Variants in THSD7A observed in about 807,000 individuals in gnomAD.
The protein encoded by THSD7A is thrombospondin type-1 domain-containing protein 7A.
In THSD7A, 96 loss-of-function variants were observed where a neutral mutation model predicts 231.3. The ratio of observed to expected loss-of-function variants is 0.41; its 90% CI spans 0.35 to 0.49. THSD7A has a LOEUF of 0.49. THSD7A is among the 20% of genes least tolerant of loss of function. The pLI is 0.05. For missense variants in THSD7A, 2,290 were observed against 2,070.2 expected (o/e 1.11, Z -2.06); for synonymous variants, 940 against 743.3 (o/e 1.26, Z -4.30).
intron 6 of THSD7A, among the ~76,000 whole-genome samples, chr7:11,513,785 TG>T (rs1787915691): frequency 6.6e-6 from 1 of 152,224 alleles, no homozygotes; most frequent in Non-Finnish European, 1.5e-5. Context: ...GTTACTTTTA[TG>T]TTACATAAAT....
At chr7:11,601,634 A>C (rs183685667) in intron 2 of THSD7A, among the ~76,000 whole-genome samples, 14 of 152,272 alleles carry the variant, frequency 9.2e-5, no homozygotes, top group Admixed American at 4.6e-4. Flanking sequence ...ATCTAGGAGA[A>C]TTTCAACCAG....
chr7:11,587,022 C>T (rs1451680529), intron 4 of THSD7A, among the ~76,000 whole-genome samples: 1 of 152,140 alleles, frequency 6.6e-6, no homozygotes, highest in Non-Finnish European at 1.5e-5. Flanking sequence ...TTAATGTTGT[C>T]TTATAACCAA....
In THSD7A at chr7:11,397,184, C is replaced by T. The variant is rs1583666614; in HGVS notation, c.4411+4611G>A. The stretch of plus-strand genomic sequence containing the variant: ...ACCCACAGCCACAGGGCTACAGTAA[C>T]CAAAACAGCACGGTACTGGTAGCAA... On this transcript the variant is annotated intron_variant, in intron 23 of 27. Coordinates refer to ENST00000423059, the MANE Select transcript of THSD7A (RefSeq NM_015204.3). 2.0e-5 allele frequency among the ~76,000 whole-genome samples: 3 copies of T among 152,044 alleles called. No individual in the cohort carries two copies. In the South Asian group the frequency reaches 6.2e-4, roughly 32 times the overall value.
At chr7:11,772,226 A>G (rs114850844) in intron 1 of THSD7A, among the ~76,000 whole-genome samples, 4,401 of 152,178 alleles carry the variant, frequency 0.029, 214 homozygotes, top group African/African-American at 0.099. Context: ...AACAAAACAA[A>G]ACAGATGCTG....
intron 4 of THSD7A, among the ~76,000 whole-genome samples, chr7:11,573,546 C>T (rs1044710357): frequency 4.6e-5 from 7 of 152,284 alleles, no homozygotes; most frequent in Non-Finnish European, 1.0e-4. Flanking sequence ...GGCTTGTTGG[C>T]CAATGACTAA....
intron 4 of THSD7A, among the ~76,000 whole-genome samples, chr7:11,588,742 C>G (rs375820772): frequency 4.6e-5 from 7 of 152,138 alleles, no homozygotes; most frequent in African/African-American, 1.7e-4. Flanking sequence ...TGATCTACCT[C>G]TAGCAATGAA....
chr7:11,735,054 A>G (rs117379500), intron 1 of THSD7A, among the ~76,000 whole-genome samples: 2,879 of 152,030 alleles, frequency 0.019, 47 homozygotes, highest in Non-Finnish European at 0.03. Flanking sequence ...TACATGTTCA[A>G]ATTCCGTTTC....
chr7:11,800,555 AG>A (rs1424045373), intron 1 of THSD7A, among the ~76,000 whole-genome samples: 1 of 152,204 alleles, frequency 6.6e-6, no homozygotes, highest in Admixed American at 6.5e-5. Context: ...ATCTCAAAAA[AG>A]AAAAAAAATA....
chr7:11,446,129 C>T lies in THSD7A; in HGVS notation c.2996G>A (p.Arg999His), dbSNP rs1352267683. ...ATCGTAGCATGCCATTGCTTGGTAACGATATCCTTGTCCGCATTCCTTGAT... is the reference window on the plus strand; with the variant it reads ...ATCGTAGCATGCCATTGCTTGGTAATGATATCCTTGTCCGCATTCCTTGAT... ...GDIKECGQGY[R>H]YQAMACYDQN... Residue 999 changes from arginine (R) to histidine (H), a missense_variant, in exon 13 of 28, where the codon CGT becomes CAT. Transcript: ENST00000423059. The surrounding 1 kb of genome is among the most constrained non-coding windows in gnomAD (Gnocchi z 4.0). The T allele has an allele frequency of 4.3e-6, 7 of 1,613,466 alleles. No individual in the cohort carries two copies. The highest frequency in any genetic ancestry group is 3.3e-5 in the Admixed American group (2 of 59,924).
intron 6 of THSD7A, among the ~76,000 whole-genome samples, chr7:11,527,658 T>C (rs12666303): frequency 0.27 from 40,811 of 152,120 alleles, 5,604 homozygotes; most frequent in Middle Eastern, 0.39. Flanking sequence ...AATGTTTTCA[T>C]TGACATATTC....
intron 4 of THSD7A, among the ~76,000 whole-genome samples, chr7:11,587,698 GGTGT>G (rs1312474712): frequency 6.6e-6 from 1 of 152,028 alleles, no homozygotes; most frequent in Non-Finnish European, 1.5e-5. Flanking sequence ...TGTCCCTTAT[GGTGT>G]GTGTCACTTA....
intron 1 of THSD7A, among the ~76,000 whole-genome samples, chr7:11,638,256 A>T (rs1421490003): frequency 6.6e-6 from 1 of 152,240 alleles, no homozygotes; most frequent in Non-Finnish European, 1.5e-5. Context: ...AAAAACAGGA[A>T]ACAAGAAGGG....
At chr7:11,502,563 G>C (rs1787381328) in intron 6 of THSD7A, among the ~76,000 whole-genome samples, 1 of 152,022 alleles carries the variant, frequency 6.6e-6, no homozygotes, top group African/African-American at 2.4e-5. Context: ...ATTCAGAAAA[G>C]TCTTTTGATA....
At chr7:11,559,413 G>C (rs953808726) in intron 4 of THSD7A, among the ~76,000 whole-genome samples, 2 of 152,034 alleles carry the variant, frequency 1.3e-5, no homozygotes, top group African/African-American at 2.4e-5. Context: ...AGGGTTATAA[G>C]AGTAAAATAT....
chr7:11,669,494 A>G (rs1290531913), intron 1 of THSD7A, among the ~76,000 whole-genome samples: 1 of 151,972 alleles, frequency 6.6e-6, no homozygotes, highest in Non-Finnish European at 1.5e-5. Flanking sequence ...GTTATTTAAG[A>G]GTGCATAAAG....
Position 11,632,373 on chromosome 7 carries a change from T to C in THSD7A, c.1022+3757A>G, listed in dbSNP as rs2128358361. 1.3e-5 allele frequency among the ~76,000 whole-genome samples: 2 copies of C among 152,308 alleles called. No homozygotes were observed. Among genetic ancestry groups the C allele is most frequent in the Admixed American group, 1.3e-4 (2 of 15,292 alleles). On this transcript the variant is annotated intron_variant, in intron 2 of 27. Coordinates refer to ENST00000423059, the MANE Select transcript of THSD7A (RefSeq NM_015204.3). The surrounding 1 kb of genome is among the most constrained non-coding windows in gnomAD (Gnocchi z 4.1). ...TGCAAATGAGATATTTTAATCTTTT[T>C]CCCCATTATAATATTTAATTTTTTA... is the stretch of plus-strand genomic sequence containing the variant.
chr7:11,720,909 C>A (rs1413343328), intron 1 of THSD7A, among the ~76,000 whole-genome samples: 1 of 151,736 alleles, frequency 6.6e-6, no homozygotes, highest in African/African-American at 2.4e-5. Context: ...ACTCTACCCA[C>A]CCCTTAACTG....
intron 6 of THSD7A, among the ~76,000 whole-genome samples, chr7:11,496,450 C>G (rs902722913): frequency 3.3e-5 from 5 of 152,030 alleles, no homozygotes; most frequent in Non-Finnish European, 7.4e-5. Context: ...AACACTTGCC[C>G]AAGGTTACAC....
intron 2 of THSD7A, among the ~76,000 whole-genome samples, chr7:11,614,841 C>T (rs1781052620): frequency 6.6e-6 from 1 of 151,968 alleles, no homozygotes; most frequent in Non-Finnish European, 1.5e-5. Context: ...AAAAAATAAA[C>T]ATCAAGAAGA....
Sources: gnomAD v4.1 joint callset for allele counts (sites outside exome capture counted in the v4.1 genomes callset) on GRCh38, gnomAD v4.1.1 for gene constraint, Gnocchi (gnomAD v3.1) non-coding constraint, MANE v1.5 for transcripts, NCBI Gene and HGNC (gene_info 2026-07-23, HGNC 2026-07-21) for gene names.